The following SLC12A6 variants were observed in gnomAD, a reference collection of about 807,000 sequenced individuals.
SLC12A6 encodes K-Cl cotransporter 3.
Under a neutral mutation model 135.3 loss-of-function variants are expected in SLC12A6, and 66 were observed. That is an observed-to-expected ratio of 0.49 (90% CI 0.40 to 0.60). The LOEUF is 0.60. Ranked by LOEUF, SLC12A6 falls within the 20% of genes least tolerant of loss-of-function variation. SLC12A6 has a pLI of 0.00. For synonymous variants in SLC12A6, 513 were observed against 508.8 expected, an observed-to-expected ratio of 1.01 and a Z score of -0.11; for missense variants, 1,058 against 1,452.3, an observed-to-expected ratio of 0.73 and a Z score of 4.41.
intron 2 of SLC12A6, chr15:34,318,669 A>G (rs763235794): frequency 1.2e-6 from 2 of 1,613,650 alleles, no homozygotes; most frequent in Non-Finnish European, 1.7e-6. Flanking sequence ...GTCACAGTAA[A>G]ATGTGGCATT....
chr15:34,313,691 GGACAA>G (rs138054533), intron 2 of SLC12A6, among the ~76,000 whole-genome samples: 2,897 of 152,298 alleles, frequency 0.019, 95 homozygotes, highest in African/African-American at 0.066. Context: ...TAGCTAGAAA[GGACAA>G]GACAATGCCT....
Position 34,236,118 on chromosome 15 carries a change from G to A in SLC12A6, c.3124C>T (p.Gln1042Ter). 6.2e-7 allele frequency: 1 copy of A among 1,613,374 alleles called. No homozygotes were observed. Among genetic ancestry groups the A allele is most frequent in the Non-Finnish European group, 8.5e-7 (1 of 1,179,292 alleles). Residue 1042 changes from glutamine (Q) to a stop codon, truncating the protein, a stop_gained, in exon 24 of 26, where the codon CAG becomes TAG. Coordinates refer to ENST00000354181, the MANE Select transcript of SLC12A6 (RefSeq NM_001365088.1). LOFTEE classifies it high-confidence loss of function. ...SDEDEETETY[Q>*]EKVHMTWTKD... ...GTCCAAGTCATGTGCACCTTCTCCT[G>A]ATAGGTTTCTGTCTCTTCGTCCTCA...
intron 1 of SLC12A6, 177 bp from the exon 2 acceptor site, chr15:34,336,929 C>G: frequency 1.8e-6 from 1 of 546,920 alleles, no homozygotes; most frequent in Non-Finnish European, 3.3e-6. Flanking sequence ...AACAAAAAGA[C>G]AAAACAATGC....
chr15:34,248,576 A>C (rs1405770521), intron 13 of SLC12A6, among the ~76,000 whole-genome samples: 21 of 151,156 alleles, frequency 1.4e-4, no homozygotes, highest in South Asian at 4.1e-4. Flanking sequence ...ACCCACACAC[A>C]CACACACACA....
rs1398549231 is a variant in SLC12A6, at chr15:34,270,826, A to AAAC, written c.316+4518_316+4519insGTT. On this transcript the variant is annotated intron_variant, in intron 3 of 25. Transcript: ENST00000354181. ...TCAAAAAACAAAACAAAACAAAACA[A>AAAC]AAAACAAAAAAAAAAAAAAGAGAGA... Among the ~76,000 whole-genome samples the AAAC allele has an allele frequency of 8.7e-4, 116 of 133,338 alleles. 1 individual carries two copies. Among genetic ancestry groups the AAAC allele is most frequent in the African/African-American group, 3.7e-3 (112 of 30,586 alleles). The allele number at this position is 133,338 out of a possible 152,430, so 87.5% of individuals were successfully genotyped here.
chr15:34,318,510 C>CT (rs1412862419), intron 2 of SLC12A6: 1 of 1,442,446 alleles, frequency 6.9e-7, no homozygotes, highest in Non-Finnish European at 9.8e-7. Context: ...CTAGTTACTT[C>CT]TTTCATGAAA....
At chr15:34,276,714 T>C (rs1465857392) in intron 2 of SLC12A6, among the ~76,000 whole-genome samples, 1 of 152,254 alleles carries the variant, frequency 6.6e-6, no homozygotes, top group Admixed American at 6.5e-5. Flanking sequence ...CTATGATGTA[T>C]GCAACAGATT....
intron 2 of SLC12A6, among the ~76,000 whole-genome samples, chr15:34,280,228 C>T (rs761333945): frequency 5.3e-5 from 8 of 152,118 alleles, no homozygotes; most frequent in Non-Finnish European, 1.2e-4. Context: ...AGCTAAAACA[C>T]AGGGCTAGAA....
rs1214108985 is a variant in SLC12A6 at position 34,232,168 on chromosome 15, G to A, written c.*1713C>T. On this transcript the variant is annotated 3_prime_UTR_variant, in exon 26 of 26. Transcript: ENST00000354181. ...ATAAGTAGTTTCCCTATGCTTGTAA[G>A]CCAGATGTTTGATCAGTATATTAGT... 1.3e-5 allele frequency: 2 copies of A among 152,178 alleles called. No homozygotes were observed. The highest frequency in any genetic ancestry group is 1.9e-4 in the East Asian group (1 of 5,196). The allele number at this position is 152,178 out of a possible 1,614,324, so 9.4% of individuals were successfully genotyped here.
chr15:34,318,831 G>A (rs1888845839), intron 2 of SLC12A6: 2 of 1,512,862 alleles, frequency 1.3e-6, no homozygotes, highest in Admixed American at 4.0e-5. Context: ...AAGCTCACGT[G>A]ACCTACAGCC....
At chr15:34,238,570 T>C (rs1199717986) in intron 20 of SLC12A6, 169 bp from the exon 21 acceptor site, 2 of 665,948 alleles carry the variant, frequency 3.0e-6, no homozygotes, top group Non-Finnish European at 5.4e-6. Context: ...AAAATCTGAA[T>C]AGCTAACAGA....
In SLC12A6 at chr15:34,278,002, T is replaced by C. The variant is rs75123305; in HGVS notation, c.272-2613A>G. Among the ~76,000 whole-genome samples the C allele has an allele frequency of 4.5e-3, 682 of 152,344 alleles. 6 individuals are homozygous for C. Among genetic ancestry groups the C allele is most frequent in the African/African-American group, 0.015 (635 of 41,576 alleles). ...TTTCTTGTTCTAAAACAAGGTATGATAGGCTAAAACAAGTTATTCGAAATT... is the reference window on the plus strand; with the variant it reads ...TTTCTTGTTCTAAAACAAGGTATGACAGGCTAAAACAAGTTATTCGAAATT... On this transcript the variant is annotated intron_variant, in intron 2 of 25. Coordinates refer to ENST00000354181, the MANE Select transcript of SLC12A6 (RefSeq NM_001365088.1).
chr15:34,245,671 G>A, intron 14 of SLC12A6, 22 bp downstream of exon 14: 1 of 1,590,192 alleles, frequency 6.3e-7, no homozygotes, highest in Non-Finnish European at 8.6e-7. Flanking sequence ...AAAAGAAGAG[G>A]GCATAATAAA....
Position 34,336,596 on chromosome 15 carries a change from A to G in SLC12A6, c.85T>C (p.Ser29Pro). The G allele has an allele frequency of 6.2e-7, 1 of 1,613,812 alleles. No homozygotes were observed. The change falls in exon 2 of 26, where the codon TCA becomes CCA. Residue 29 changes from serine to proline, a missense_variant. Around this residue, in one of 6 missense-constraint regions of SLC12A6, gnomAD observed 176 missense variants for 168.9 expected, o/e 1.04. Coordinates refer to ENST00000354181, the MANE Select transcript of SLC12A6 (RefSeq NM_001365088.1). ...PTKIDDIPGL[S>P]DTSPDLSSRS... ...GAGCTGAGGTCCGGACTGGTGTCTG[A>G]CAAACCTGGAATGTCATCGATCTTT...
intron 2 of SLC12A6, among the ~76,000 whole-genome samples, chr15:34,281,159 A>C (rs1894653659): frequency 6.6e-6 from 1 of 152,222 alleles, no homozygotes; most frequent in Non-Finnish European, 1.5e-5. Context: ...TACGGTTAAC[A>C]ATAATATATT....
rs1406662271 is a variant in SLC12A6, at chr15:34,245,735, C to A, written c.1782G>T (p.Leu594=). The A allele has an allele frequency of 1.2e-6, 2 of 1,613,848 alleles. No individual in the cohort carries two copies. The highest frequency in any genetic ancestry group is 2.2e-5 in the South Asian group (2 of 91,074). Residue 594 remains leucine, a synonymous_variant, in exon 14 of 26, where the codon CTG becomes CTT. Coordinates refer to ENST00000354181, the MANE Select transcript of SLC12A6 (RefSeq NM_001365088.1). The stretch of plus-strand genomic sequence containing the variant: ...TGTTATCCTTGGCAATAGCTTGTAG[C>A]AGCCTCGGTGCACCTGTGAGGCTCT... ...GLQSLTGAPR[L]LQAIAKDNII...
At chr15:34,308,888 A>G (rs1271777739) in intron 2 of SLC12A6, among the ~76,000 whole-genome samples, 1 of 152,224 alleles carries the variant, frequency 6.6e-6, no homozygotes, top group African/African-American at 2.4e-5. Flanking sequence ...AACACAAATA[A>G]TTACATATAT....
chr15:34,305,922 T>C (rs1896577218), intron 2 of SLC12A6, among the ~76,000 whole-genome samples: 2 of 152,066 alleles, frequency 1.3e-5, no homozygotes, highest in African/African-American at 2.4e-5. Flanking sequence ...CGCGCCCGGC[T>C]AATTTTTTGT....
chr15:34,240,092 T>C (rs118108179), intron 19 of SLC12A6, among the ~76,000 whole-genome samples: 8,472 of 152,032 alleles, frequency 0.056, 279 homozygotes, highest in Non-Finnish European at 0.073. Context: ...AATGCTATCC[T>C]TCCCCCCTCC....
Sources: allele counts gnomAD v4.1 joint callset (sites outside exome capture counted in the v4.1 genomes callset), GRCh38; gene constraint gnomAD v4.1.1; regional missense constraint gnomAD v4.1.1; transcripts MANE v1.5; gene names NCBI Gene and HGNC (gene_info 2026-07-23, HGNC 2026-07-21).